KIF1B: variants seen among roughly 807,000 people sequenced by gnomAD.
KIF1B encodes the protein kinesin family member 1B.
In KIF1B, 76 loss-of-function variants were observed where a neutral mutation model predicts 241.9. That is an observed-to-expected ratio of 0.31 (90% confidence interval 0.26 to 0.38). KIF1B has a LOEUF of 0.38. Ranked by LOEUF, KIF1B falls within the 10% of genes least tolerant of loss-of-function variation. The probability of loss-of-function intolerance (pLI) is 1.00; values close to 1 mark genes in which losing one functional copy is unlikely to be tolerated. For missense variants in KIF1B, 1,622 were observed against 2,271.4 expected, an observed-to-expected ratio of 0.71 and a Z score of 5.81; for synonymous variants, 750 against 796.7, an observed-to-expected ratio of 0.94 and a Z score of 0.99.
chr1:10,359,180 GT>G (rs1387022341), intron 38 of KIF1B, among the ~76,000 whole-genome samples: 1 of 152,208 alleles, frequency 6.6e-6, no homozygotes, highest in Non-Finnish European at 1.5e-5. Context: ...ATGGGGATGT[GT>G]TTAGAGGGAG....
At chr1:10,291,625 T>C (rs1435376405) in intron 16 of KIF1B, among the ~76,000 whole-genome samples, 1 of 150,844 alleles carries the variant, frequency 6.6e-6, no homozygotes, top group Non-Finnish European at 1.5e-5. Context: ...GGCAGGAGAA[T>C]GGCGTGAACC....
At chr1:10,305,935 G>A (rs1257179470) in intron 22 of KIF1B, 1 of 1,054,462 alleles carries the variant, frequency 9.5e-7, no homozygotes, top group African/African-American at 1.7e-5. Flanking sequence ...TAAGTCACAT[G>A]AAATCATCTA....
In KIF1B at chr1:10,376,834, AACACACACACAC is replaced by A. The variant is rs111663673; in HGVS notation, c.*269_*280del. 87 of 442,602 alleles carry A rather than the reference AACACACACACAC, an allele frequency of 2.0e-4. No homozygotes were observed. Among genetic ancestry groups the A allele is most frequent in the South Asian group, 1.5e-3 (70 of 46,556 alleles). 27.4% of individuals were successfully genotyped at this position (442,602 alleles called of 1,614,324 possible). ...CTAACAAAAGGAAAAAATGTTTTTA[AACACACACACAC>A]ACACACACACACACACACACATACA... On this transcript the variant is annotated 3_prime_UTR_variant, in exon 49 of 49. Transcript: ENST00000676179.
At chr1:10,222,125 C>T (rs1203455628) in intron 1 of KIF1B, among the ~76,000 whole-genome samples, 2 of 152,006 alleles carry the variant, frequency 1.3e-5, no homozygotes, top group Non-Finnish European at 2.9e-5. Flanking sequence ...AGGAATCAGT[C>T]GAATAATTTT....
At chr1:10,249,679 A>C (rs1647332072) in intron 2 of KIF1B, among the ~76,000 whole-genome samples, 1 of 152,206 alleles carries the variant, frequency 6.6e-6, no homozygotes. Flanking sequence ...AAACAGGAGA[A>C]TTGCTTCAGC....
At chr1:10,297,350 G>A in intron 22 of KIF1B, 104 bp downstream of exon 22, 1 of 916,248 alleles carries the variant, frequency 1.1e-6, no homozygotes, top group Non-Finnish European at 1.8e-6. Context: ...CTGTCTCAAT[G>A]ATACCAAGCA....
At chr1:10,234,045 G>C (rs1647016985) in intron 2 of KIF1B, among the ~76,000 whole-genome samples, 2 of 152,130 alleles carry the variant, frequency 1.3e-5, no homozygotes, top group South Asian at 2.1e-4. Context: ...TGAATTCCTA[G>C]TGGCTTTTCC....
At chr1:10,328,587 A>G (rs1459084543) in intron 27 of KIF1B, among the ~76,000 whole-genome samples, 2 of 152,264 alleles carry the variant, frequency 1.3e-5, no homozygotes, top group Non-Finnish European at 2.9e-5. Flanking sequence ...GTTCTTCAGC[A>G]CGTTTCCATC....
chr1:10,253,807 A>G (rs1380971123), intron 2 of KIF1B, among the ~76,000 whole-genome samples: 1 of 152,216 alleles, frequency 6.6e-6, no homozygotes, highest in Non-Finnish European at 1.5e-5. Flanking sequence ...TTCTAGAACC[A>G]TGTCTCCTTG....
chr1:10,269,814 G>A (rs7520651), intron 7 of KIF1B, among the ~76,000 whole-genome samples: 40,479 of 151,882 alleles, frequency 0.27, 5,599 homozygotes, highest in Admixed American at 0.32. Context: ...GCGAAACTTC[G>A]TCTCAAAAAA....
intron 45 of KIF1B, among the ~76,000 whole-genome samples, chr1:10,372,661 G>A (rs1296806408): frequency 8.3e-6 from 1 of 120,528 alleles, no homozygotes; most frequent in Admixed American, 7.8e-5. Flanking sequence ...TTGGGTGACA[G>A]AGCTGTCACC....
At chr1:10,220,372 A>G (rs1476528915) in intron 1 of KIF1B, among the ~76,000 whole-genome samples, 4 of 69,748 alleles carry the variant, frequency 5.7e-5, no homozygotes, top group South Asian at 8.5e-4. Flanking sequence ...CCCTGTTTCA[A>G]TAGATAGATA....
At chr1:10,350,422 T>C (rs2102332162) in intron 37 of KIF1B, among the ~76,000 whole-genome samples, 1 of 151,938 alleles carries the variant, frequency 6.6e-6, no homozygotes, top group African/African-American at 2.4e-5. Context: ...TAGCCAGGCG[T>C]GGTGGTGGGC....
At chr1:10,312,473 C>G (rs186891052) in intron 22 of KIF1B, among the ~76,000 whole-genome samples, 1 of 151,578 alleles carries the variant, frequency 6.6e-6, no homozygotes, top group Admixed American at 6.5e-5. Context: ...AACCATCCAG[C>G]AGTTTCCATT....
At chr1:10,355,289 A>G (rs1431481960) in intron 38 of KIF1B, 3 of 152,356 alleles carry the variant, frequency 2.0e-5, no homozygotes, top group Non-Finnish European at 4.4e-5. Context: ...TCTTCTTTAT[A>G]TATATATTTT....
At chr1:10,323,722 C>T (rs1651612091) in intron 24 of KIF1B, among the ~76,000 whole-genome samples, 162 bp from the exon 25 acceptor site, 3 of 152,184 alleles carry the variant, frequency 2.0e-5, no homozygotes, top group Admixed American at 6.5e-5. Flanking sequence ...GGGTTATTCC[C>T]TATGACTGCT....
chr1:10,256,311 G>A lies in KIF1B; in HGVS notation c.171G>A (p.Trp57Ter). Residue 57 changes from tryptophan to a stop codon, truncating the protein, a stop_gained, in exon 3 of 49, where the codon TGG becomes TGA. Transcript: ENST00000676179. LOFTEE classifies it high-confidence loss of function. ...PKSFSFDYSY[W>*]SHTSPEDPCF... The stretch of plus-strand genomic sequence containing the variant: ...CCTTCAGCTTCGACTATTCCTACTG[G>A]TCTCATACCTCAGTGAGTACCCTCA... The A allele has an allele frequency of 6.2e-7, 1 of 1,609,502 alleles. No individual in the cohort carries two copies. The highest frequency in any genetic ancestry group is 8.5e-7 in the Non-Finnish European group (1 of 1,175,878).
At chr1:10,248,292 T>A (rs1224655373) in intron 2 of KIF1B, among the ~76,000 whole-genome samples, 1 of 151,954 alleles carries the variant, frequency 6.6e-6, no homozygotes, top group Non-Finnish European at 1.5e-5. Context: ...TTCAACTTCC[T>A]GGGTGCAAAT....
At chr1:10,255,856 A>G (rs1277978852) in intron 2 of KIF1B, among the ~76,000 whole-genome samples, 1 of 152,076 alleles carries the variant, frequency 6.6e-6, no homozygotes, top group Non-Finnish European at 1.5e-5. Context: ...GTGGCTCGAT[A>G]ACAGCTAACT....
Sources: allele counts gnomAD v4.1 joint callset (sites outside exome capture counted in the v4.1 genomes callset), GRCh38; gene constraint gnomAD v4.1.1; transcripts MANE v1.5; gene names NCBI Gene and HGNC (gene_info 2026-07-23, HGNC 2026-07-21).